KCNMA1: variants seen among roughly 807,000 people sequenced by gnomAD.
The protein encoded by KCNMA1 is Calcium-activated potassium channel subunit alpha-1.
Under a neutral mutation model 140.0 loss-of-function variants are expected in KCNMA1, and 29 were observed. The observed-to-expected ratio is 0.21, with a 90% CI of 0.15 to 0.28. The LOEUF (loss-of-function observed/expected upper bound fraction) is 0.28. Among genes scored for constraint, KCNMA1 ranks in the 10% least tolerant of loss-of-function variants. The pLI is 1.00. For missense variants in KCNMA1, 880 were observed against 1,602.2 expected (o/e 0.55, Z 7.70); for synonymous variants, 612 against 611.9 (o/e 1.00, Z 0.00).
At chr10:77,373,342 T>G (rs1236889011) in intron 2 of KCNMA1, among the ~76,000 whole-genome samples, 1 of 152,216 alleles carries the variant, frequency 6.6e-6, no homozygotes, top group Non-Finnish European at 1.5e-5. Flanking sequence ...TCCCCTCTTC[T>G]GGACTCAGTT....
At chr10:77,432,691 C>T (rs746986587) in intron 1 of KCNMA1, among the ~76,000 whole-genome samples, 2 of 152,226 alleles carry the variant, frequency 1.3e-5, no homozygotes, top group Non-Finnish European at 2.9e-5. Flanking sequence ...TGTTGTGTTT[C>T]TTCCATACTG....
chr10:77,275,025 C>T (rs1192595523), intron 2 of KCNMA1, among the ~76,000 whole-genome samples: 4 of 152,188 alleles, frequency 2.6e-5, no homozygotes, highest in African/African-American at 7.2e-5. Context: ...AAGTCCCAGG[C>T]AGATGTGTGC....
intron 1 of KCNMA1, among the ~76,000 whole-genome samples, chr10:77,557,014 C>A (rs1158538458): frequency 6.6e-6 from 1 of 152,180 alleles, no homozygotes; most frequent in Non-Finnish European, 1.5e-5. Flanking sequence ...TGGTTTGAGA[C>A]TCCCTTGGAT....
intron 23 of KCNMA1, among the ~76,000 whole-genome samples, chr10:76,929,431 C>G (rs963243240): frequency 6.6e-6 from 1 of 152,184 alleles, no homozygotes; most frequent in Non-Finnish European, 1.5e-5. Context: ...CCCACTAGCT[C>G]CCTGCTGGGA....
intron 1 of KCNMA1, among the ~76,000 whole-genome samples, chr10:77,472,185 CCACA>C (rs1255680315): frequency 5.9e-5 from 9 of 151,478 alleles, no homozygotes; most frequent in Admixed American, 2.0e-4. Flanking sequence ...CACATACACA[CCACA>C]CAAATACACC....
intron 14 of KCNMA1, among the ~76,000 whole-genome samples, chr10:77,063,337 T>C (rs1005822916): frequency 2.9e-4 from 44 of 151,710 alleles, no homozygotes; most frequent in African/African-American, 1.0e-3. Context: ...CACTTGAACC[T>C]GGGGGCTGCA....
intron 1 of KCNMA1, among the ~76,000 whole-genome samples, chr10:77,576,765 C>G (rs1253032055): frequency 3.3e-5 from 5 of 152,152 alleles, no homozygotes; most frequent in Non-Finnish European, 7.3e-5. Context: ...AGCCTTCTGC[C>G]CTCTAAGCCA....
chr10:77,320,184 A>T (rs893602071), intron 2 of KCNMA1, among the ~76,000 whole-genome samples: 1 of 152,204 alleles, frequency 6.6e-6, no homozygotes, highest in African/African-American at 2.4e-5. Flanking sequence ...TTTCTAAACA[A>T]AATGGTGGAG....
At chr10:77,102,553 C>T (rs545466148) in intron 9 of KCNMA1, among the ~76,000 whole-genome samples, 8 of 152,290 alleles carry the variant, frequency 5.3e-5, no homozygotes, top group African/African-American at 1.7e-4. Context: ...GGGGTCTGAG[C>T]GAGCAATCAG....
intron 2 of KCNMA1, among the ~76,000 whole-genome samples, chr10:77,374,748 AAAAC>A (rs762327887): frequency 3.3e-4 from 50 of 152,326 alleles, no homozygotes; most frequent in Admixed American, 1.4e-3. Context: ...ACAAACCCCA[AAAAC>A]AAACAGACAT....
intron 3 of KCNMA1, among the ~76,000 whole-genome samples, chr10:77,202,076 A>G (rs538299627): frequency 9.8e-5 from 15 of 152,362 alleles, no homozygotes; most frequent in African/African-American, 3.6e-4. Context: ...GTTTTACTGT[A>G]GCCAGACATC....
intron 2 of KCNMA1, among the ~76,000 whole-genome samples, chr10:77,259,009 TTTG>T (rs1335813225): frequency 4.6e-5 from 7 of 152,238 alleles, no homozygotes; most frequent in African/African-American, 1.4e-4. Flanking sequence ...AAAAAGGATT[TTTG>T]TTATCATACA....
At chr10:77,133,739 T>A (rs955769317) in intron 5 of KCNMA1, among the ~76,000 whole-genome samples, 1 of 152,136 alleles carries the variant, frequency 6.6e-6, no homozygotes, top group Non-Finnish European at 1.5e-5. Context: ...TTCGTATCTA[T>A]ATGTATCTGA....
chr10:77,506,596 A>AGTGTGTGTGTGTGTGTGTGTGT (rs796386759), intron 1 of KCNMA1, among the ~76,000 whole-genome samples: 1 of 83,530 alleles, frequency 1.2e-5, no homozygotes, highest in East Asian at 4.5e-4. Flanking sequence ...AGAGAGAGAG[A>AGTGTGTGTGTGTGTGTGTGTGT]GTGTGTGTGT....
At chr10:77,444,329 C>T (rs1439389702) in intron 1 of KCNMA1, among the ~76,000 whole-genome samples, 1 of 152,098 alleles carries the variant, frequency 6.6e-6, no homozygotes, top group Non-Finnish European at 1.5e-5. Flanking sequence ...GAGACTTACC[C>T]AATGTTTTGC....
At chr10:77,336,395 T>C (rs2088988293) in intron 2 of KCNMA1, among the ~76,000 whole-genome samples, 4 of 149,078 alleles carry the variant, frequency 2.7e-5, no homozygotes, top group Admixed American at 2.0e-4. Context: ...TCATACACTG[T>C]GAAATTTCCA....
chr10:77,598,793 T>C (rs186489659), intron 1 of KCNMA1, among the ~76,000 whole-genome samples: 1 of 152,170 alleles, frequency 6.6e-6, no homozygotes, highest in Admixed American at 6.5e-5. Context: ...CCTGGGAAGG[T>C]CAGGCTGTGG....
At chr10:77,349,119 G>A (rs759527691) in intron 2 of KCNMA1, among the ~76,000 whole-genome samples, 62 of 152,112 alleles carry the variant, frequency 4.1e-4, no homozygotes, top group Non-Finnish European at 6.9e-4. Context: ...CAATTCATAC[G>A]TTGAAACCTC....
intron 1 of KCNMA1, among the ~76,000 whole-genome samples, chr10:77,524,112 G>A (rs2054623874): frequency 6.6e-6 from 1 of 152,048 alleles, no homozygotes; most frequent in African/African-American, 2.4e-5. Context: ...TAATTTAAAA[G>A]CTTTTTTAAA....
Sources: allele counts gnomAD v4.1 joint callset (sites outside exome capture counted in the v4.1 genomes callset), GRCh38; gene constraint gnomAD v4.1.1; transcripts MANE v1.5; gene names NCBI Gene and HGNC (gene_info 2026-07-23, HGNC 2026-07-21).